PAFAH1B2: variants seen among roughly 807,000 people sequenced by gnomAD.
PAFAH1B2 encodes platelet activating factor acetylhydrolase 1b catalytic subunit 2.
Under a neutral mutation model 28.0 loss-of-function variants are expected in PAFAH1B2, and 8 were observed. That is an observed-to-expected ratio of 0.29 (90% confidence interval 0.17 to 0.52). The LOEUF is 0.52. PAFAH1B2 is among the 20% of genes least tolerant of loss of function. The pLI is 0.97. For missense variants in PAFAH1B2, 190 were observed against 282.6 expected (o/e 0.67, Z 2.35); for synonymous variants, 104 against 103.2 (o/e 1.01, Z -0.05).
intron 1 of PAFAH1B2, among the ~76,000 whole-genome samples, chr11:117,146,215 G>A (rs1956004445): frequency 1.3e-5 from 2 of 150,110 alleles, no homozygotes; most frequent in African/African-American, 4.9e-5. Flanking sequence ...TCTGCCTCCC[G>A]GTTCAAGCTT....
Position 117,168,346 on chromosome 11 carries a change from A to G in PAFAH1B2, c.*647A>G. 2 of 1,051,492 alleles carry G rather than the reference A, an allele frequency of 1.9e-6. No homozygotes were observed. Among genetic ancestry groups the G allele is most frequent in the Non-Finnish European group, 2.3e-6 (2 of 872,660 alleles). 65.1% of individuals were successfully genotyped at this position (1,051,492 alleles called of 1,614,324 possible). ...GATTCTTTGGAGGGTATTATTTTTT[A>G]TGCTGCTGAATATCATGTCTATAAT... On this transcript the variant is annotated 3_prime_UTR_variant, in exon 6 of 6. Transcript: ENST00000527958.
At position 117,152,548 on chromosome 11, in the gene PAFAH1B2, T is replaced by A; in HGVS notation, c.81+20T>A. ...TCTCAGGTAAAAGGAAGTGCATGTG[T>A]ATCATTCACATGAGTTGAGTCTCCA... On this transcript the variant is annotated intron_variant, in intron 2 of 5. Transcript: ENST00000527958. 4.0e-6 allele frequency: 6 copies of A among 1,502,810 alleles called. No individual in the cohort carries two copies. The highest frequency in any genetic ancestry group is 5.6e-6 in the Non-Finnish European group (6 of 1,078,374). The allele number at this position is 1,502,810 out of a possible 1,614,324, so 93.1% of individuals were successfully genotyped here.
At chr11:117,151,431 A>G (rs990224914) in intron 1 of PAFAH1B2, among the ~76,000 whole-genome samples, 6 of 151,844 alleles carry the variant, frequency 4.0e-5, no homozygotes, top group South Asian at 2.1e-4. Context: ...GGGTTTCACT[A>G]TGTTGGCCAG....
intron 4 of PAFAH1B2, among the ~76,000 whole-genome samples, chr11:117,163,388 T>C (rs562879821): frequency 6.6e-6 from 1 of 152,214 alleles, no homozygotes; most frequent in Admixed American, 6.5e-5. Context: ...AATAAGATTT[T>C]CGGCCGGGCG....
At chr11:117,175,525 C>G (rs1484112151), downstream of PAFAH1B2, 3 of 1,101,682 alleles carry the variant, frequency 2.7e-6, no homozygotes, top group Non-Finnish European at 3.3e-6. Context: ...GGAAGGATCC[C>G]TTCAGAGTTT....
At chr11:117,177,475 C>T (rs146527087), downstream of PAFAH1B2, among the ~76,000 whole-genome samples, 119 of 152,208 alleles carry the variant, frequency 7.8e-4, no homozygotes, top group Non-Finnish European at 1.4e-3. Context: ...ATGTTTAGTA[C>T]AATTTTTTTC....
chr11:117,148,147 G>T (rs1956060295), intron 1 of PAFAH1B2, among the ~76,000 whole-genome samples: 1 of 151,158 alleles, frequency 6.6e-6, no homozygotes. Context: ...CACCTCCTGG[G>T]TTCAAGAGAT....
At position 117,170,658 on chromosome 11, in the gene PAFAH1B2, CTTTAT is replaced by C. The variant is rs1049964829; in HGVS notation, c.*2968_*2972del. The C allele has an allele frequency of 6.2e-5, 57 of 919,860 alleles. No individual in the cohort carries two copies. Among genetic ancestry groups the C allele is most frequent in the South Asian group, 4.7e-4 (9 of 19,258 alleles). The allele number at this position is 919,860 out of a possible 1,614,324, so 57.0% of individuals were successfully genotyped here. A position where few individuals can be genotyped will look rare whatever the true frequency, so the allele number is the denominator to read the frequency against. Reference sequence around the variant, plus strand: ...AAAAAAAAAAAAAAAGTCCAACTTACTTTATTTTATTTTTTTAACCTAGTCACTGT... The same window carrying C: ...AAAAAAAAAAAAAAAGTCCAACTTACTTTATTTTTTTAACCTAGTCACTGT... On this transcript the variant is annotated 3_prime_UTR_variant, in exon 6 of 6. Transcript: ENST00000527958.
intron 1 of PAFAH1B2, 47 bp downstream of exon 1, chr11:117,144,465 G>A (rs1334278185): frequency 1.1e-5 from 3 of 274,854 alleles, no homozygotes; most frequent in South Asian, 2.6e-5. Flanking sequence ...AGAGGCGGGG[G>A]TCGGAAGGGG....
chr11:117,159,259 A>G (rs1956318229), intron 2 of PAFAH1B2: 1 of 152,170 alleles, frequency 6.6e-6, no homozygotes, highest in African/African-American at 2.4e-5. Context: ...TGAGAGTACT[A>G]GAATGCTCTG....
At chr11:117,171,609 C>T, downstream of PAFAH1B2, 1 of 989,512 alleles carries the variant, frequency 1.0e-6, no homozygotes, top group Non-Finnish European at 1.5e-6. Context: ...ATTTATCACC[C>T]TTACGTCCCC....
In PAFAH1B2 at chr11:117,160,042, A is replaced by T; in HGVS notation, c.171+19A>T. ...ATATGAGGTAAAGGTGGAAGGGATG[A>T]GCGTGGTTCTTGGCTACTCATGTAT... On this transcript the variant is annotated intron_variant, in intron 3 of 5. Transcript: ENST00000527958. 2.6e-6 allele frequency: 4 copies of T among 1,564,340 alleles called. No homozygotes were observed. The highest frequency in any genetic ancestry group is 2.6e-6 in the Non-Finnish European group (3 of 1,134,670).
chr11:117,169,340 G>A lies in PAFAH1B2; in HGVS notation c.*1641G>A. On this transcript the variant is annotated 3_prime_UTR_variant, in exon 6 of 6. Coordinates refer to ENST00000527958, the MANE Select transcript of PAFAH1B2 (RefSeq NM_002572.4). ...TAGATGATTTTATCAGTATACCTGT[G>A]GAATATGTACAAACTGGATCTATAG... 1.9e-6 allele frequency: 2 copies of A among 1,049,524 alleles called. No individual in the cohort carries two copies. The highest frequency in any genetic ancestry group is 9.2e-5 in the South Asian group (2 of 21,812). The allele number at this position is 1,049,524 out of a possible 1,614,324, so 65.0% of individuals were successfully genotyped here. A position where few individuals can be genotyped will look rare whatever the true frequency, so the allele number is the denominator to read the frequency against.
intron 2 of PAFAH1B2, among the ~76,000 whole-genome samples, chr11:117,157,093 A>G (rs916338175): frequency 2.6e-5 from 4 of 151,772 alleles, no homozygotes; most frequent in African/African-American, 9.7e-5. Flanking sequence ...GGGAGTTGAC[A>G]TGATAGGAAA....
downstream of PAFAH1B2, among the ~76,000 whole-genome samples, chr11:117,174,286 T>C (rs1388966997): frequency 2.7e-5 from 4 of 146,092 alleles, no homozygotes; most frequent in Admixed American, 6.8e-5. Flanking sequence ...CAGGTTCAAG[T>C]GATTCTCCTG....
intron 4 of PAFAH1B2, 97 bp downstream of exon 4, chr11:117,161,358 C>A: frequency 1.4e-6 from 1 of 704,218 alleles, no homozygotes; most frequent in Non-Finnish European, 2.3e-6. Context: ...TCTTTAAAGA[C>A]CTATTTCACT....
At chr11:117,174,859 A>G (rs1450010240), downstream of PAFAH1B2, 1 of 1,357,064 alleles carries the variant, frequency 7.4e-7, no homozygotes, top group Non-Finnish European at 9.9e-7. Context: ...AGATGATCCA[A>G]CCGCCTTGGC....
chr11:117,167,523 C>T lies in PAFAH1B2; in HGVS notation c.514C>T (p.Leu172Phe). ...VSLPKLANVQ[L>F]LDTDGGFVHS... ...GCTGCCGAAGCTTGCCAACGTGCAG[C>T]TCCTGGATACCGACGGGGGTTTTGT... The change falls in exon 6 of 6, where the codon CTC becomes TTC. Residue 172 changes from leucine to phenylalanine, a missense_variant. Coordinates refer to ENST00000527958, the MANE Select transcript of PAFAH1B2 (RefSeq NM_002572.4). 1 of 1,612,976 alleles carries T rather than the reference C, an allele frequency of 6.2e-7. No homozygotes were observed. The highest frequency in any genetic ancestry group is 8.5e-7 in the Non-Finnish European group (1 of 1,179,358).
chr11:117,173,536 G>A (rs756718101), downstream of PAFAH1B2, among the ~76,000 whole-genome samples: 4 of 152,094 alleles, frequency 2.6e-5, no homozygotes, highest in African/African-American at 7.2e-5. Context: ...ATGGATGAGA[G>A]GTTTTTATGT....
Sources: allele counts gnomAD v4.1 joint callset (sites outside exome capture counted in the v4.1 genomes callset), GRCh38; gene constraint gnomAD v4.1.1; transcripts MANE v1.5; gene names NCBI Gene and HGNC (gene_info 2026-07-23, HGNC 2026-07-21).